The following MGAT4C variants were observed in gnomAD, a reference collection of about 807,000 sequenced individuals.
The protein encoded by MGAT4C is MGAT4 family member C.
A neutral mutation model predicts 40.1 loss-of-function variants in MGAT4C; 19 were observed. The observed-to-expected ratio is 0.47, with a 90% CI of 0.33 to 0.70. MGAT4C has a LOEUF of 0.70. MGAT4C is among the 30% of genes least tolerant of loss of function. MGAT4C has a pLI of 0.02. For synonymous variants in MGAT4C, 181 were observed against 187.1 expected (o/e 0.97, Z 0.27); for missense variants, 491 against 563.2 (o/e 0.87, Z 1.30).
At chr12:86,353,622 G>T (rs989374627) in intron 3 of MGAT4C, among the ~76,000 whole-genome samples, 1 of 152,148 alleles carries the variant, frequency 6.6e-6, no homozygotes, top group African/African-American at 2.4e-5. Flanking sequence ...TCAAGCACTG[G>T]TCATGAAGCT....
chr12:86,312,617 T>C (rs1160547702), intron 4 of MGAT4C, among the ~76,000 whole-genome samples: 3 of 152,186 alleles, frequency 2.0e-5, no homozygotes, highest in Admixed American at 6.5e-5. Flanking sequence ...ATTTGTAGCA[T>C]AATGCCTAGC....
chr12:86,672,949 C>T (rs1565916844), intron 2 of MGAT4C, among the ~76,000 whole-genome samples: 1 of 151,698 alleles, frequency 6.6e-6, no homozygotes, highest in South Asian at 2.1e-4. Context: ...AAAAATAAAG[C>T]AATCTTAGGT....
At chr12:86,480,690 G>A (rs1468912464) in intron 2 of MGAT4C, among the ~76,000 whole-genome samples, 1 of 151,544 alleles carries the variant, frequency 6.6e-6, no homozygotes, top group Non-Finnish European at 1.5e-5. Flanking sequence ...ATACAAATTT[G>A]ATAGTTACAT....
intron 2 of MGAT4C, among the ~76,000 whole-genome samples, chr12:86,685,857 C>T (rs150932594): frequency 0.031 from 4,696 of 150,148 alleles, 122 homozygotes; most frequent in African/African-American, 0.074. Flanking sequence ...TATAGGAATG[C>T]TTGTGATTTT....
intron 2 of MGAT4C, among the ~76,000 whole-genome samples, chr12:86,691,813 A>C (rs936202087): frequency 2.0e-5 from 3 of 152,108 alleles, no homozygotes; most frequent in Non-Finnish European, 4.4e-5. Flanking sequence ...AAATGATAGA[A>C]ATATATTTAT....
intron 1 of MGAT4C, among the ~76,000 whole-genome samples, chr12:86,741,268 TTAAAA>T (rs1426956078): frequency 1.3e-5 from 2 of 151,292 alleles, no homozygotes; most frequent in Admixed American, 1.3e-4. Flanking sequence ...TAAAAACAAT[TTAAAA>T]TAAAGACATT....
intron 2 of MGAT4C, among the ~76,000 whole-genome samples, chr12:86,572,487 C>G (rs1322508636): frequency 6.6e-6 from 1 of 151,980 alleles, no homozygotes; most frequent in Non-Finnish European, 1.5e-5. Flanking sequence ...TTTAAGGATG[C>G]TATTGAAGGA....
Position 86,245,478 on chromosome 12 carries a change from T to C in MGAT4C, c.-57+10761A>G, listed in dbSNP as rs76783126. On this transcript the variant is annotated intron_variant, in intron 1 of 4. Transcript: ENST00000611864. ...TTTGGCCCCATGGGCATCCTCAAAT[T>C]GTTTTTGGGTCTCTGTGCTTCTGTC... 1.2e-3 allele frequency among the ~76,000 whole-genome samples: 185 copies of C among 152,340 alleles called. 2 individuals are homozygous for C. The East Asian group carries it at 0.034, about 28-fold the overall frequency.
rs1370972055 is a variant in MGAT4C, at chr12:86,310,866, G to T, written c.-57+23199C>A. 2.6e-5 allele frequency among the ~76,000 whole-genome samples: 4 copies of T among 152,324 alleles called. No individual in the cohort carries two copies. The East Asian group carries it at 7.7e-4, about 29-fold the overall frequency. On this transcript the variant is annotated intron_variant, in intron 4 of 7. Coordinates refer to the MGAT4C transcript ENST00000548651. ...TTGAACCAGGGAGGTGGAGGTTGCA[G>T]TGAGCCGAGATCGCACCACCGCACT...
At chr12:86,651,009 A>T (rs1202953909) in intron 2 of MGAT4C, among the ~76,000 whole-genome samples, 1 of 151,940 alleles carries the variant, frequency 6.6e-6, no homozygotes, top group Non-Finnish European at 1.5e-5. Flanking sequence ...AAGAACACTT[A>T]AAAAAGGGCT....
chr12:86,449,186 A>G (rs1193536852), intron 2 of MGAT4C, among the ~76,000 whole-genome samples: 1 of 152,210 alleles, frequency 6.6e-6, no homozygotes, highest in Non-Finnish European at 1.5e-5. Context: ...ACATACAATC[A>G]ATAATTTTCA....
intron 1 of MGAT4C, among the ~76,000 whole-genome samples, chr12:86,051,185 T>C (rs937569299): frequency 1.3e-5 from 2 of 152,056 alleles, no homozygotes; most frequent in African/African-American, 4.8e-5. Flanking sequence ...GCATTGGTTT[T>C]GAAAATATTA....
chr12:86,379,924 T>G (rs1018964849), intron 3 of MGAT4C, among the ~76,000 whole-genome samples: 1 of 152,092 alleles, frequency 6.6e-6, no homozygotes, highest in Non-Finnish European at 1.5e-5. Context: ...ATTCACAGCA[T>G]AGAAAAATTT....
intron 1 of MGAT4C, among the ~76,000 whole-genome samples, chr12:86,098,704 T>C (rs1390859530): frequency 6.6e-6 from 1 of 151,690 alleles, no homozygotes; most frequent in Non-Finnish European, 1.5e-5. Flanking sequence ...GAATTTACTA[T>C]GCATGTGTGT....
At chr12:86,812,932 C>A (rs1263464276) in intron 1 of MGAT4C, among the ~76,000 whole-genome samples, 1 of 152,078 alleles carries the variant, frequency 6.6e-6, no homozygotes. Flanking sequence ...CACCTGATAT[C>A]AGAGGGTATT....
chr12:86,512,317 A>G (rs1452028658), intron 2 of MGAT4C, among the ~76,000 whole-genome samples: 1 of 152,116 alleles, frequency 6.6e-6, no homozygotes, highest in African/African-American at 2.4e-5. Flanking sequence ...TTGGGAAAGT[A>G]AATTGGTGCA....
intron 4 of MGAT4C, among the ~76,000 whole-genome samples, chr12:86,315,950 T>C (rs1954210216): frequency 6.6e-6 from 1 of 151,060 alleles, no homozygotes; most frequent in South Asian, 2.1e-4. Context: ...AAACTATGCA[T>C]CCAACAAAGG....
rs566366079 is a variant in MGAT4C, at chr12:86,658,710, A to AT, written c.-229+68498dup. 1.3e-4 allele frequency among the ~76,000 whole-genome samples: 20 copies of AT among 151,976 alleles called. No homozygotes were observed. The South Asian group carries it at 1.7e-3, about 13-fold the overall frequency. On this transcript the variant is annotated intron_variant, in intron 2 of 7. Coordinates refer to the MGAT4C transcript ENST00000548651. The stretch of plus-strand genomic sequence containing the variant: ...ATCAAATGTCATTTTTTCAAAAAGT[A>AT]TTTTTTTTACCACTTGTGTTAAATT...
At chr12:86,462,883 G>A (rs997892840) in intron 2 of MGAT4C, among the ~76,000 whole-genome samples, 3 of 152,186 alleles carry the variant, frequency 2.0e-5, no homozygotes, top group African/African-American at 7.2e-5. Flanking sequence ...CATGTTGACA[G>A]TGGGTCTGTC....
Sources: gnomAD v4.1 joint callset for allele counts (sites outside exome capture counted in the v4.1 genomes callset) on GRCh38, gnomAD v4.1.1 for gene constraint, MANE v1.5 for transcripts, NCBI Gene and HGNC (gene_info 2026-07-23, HGNC 2026-07-21) for gene names.